NAB1: variants seen among roughly 807,000 people sequenced by gnomAD.
NAB1 encodes NGFI-A binding protein 1, also known as NGFI-A-binding protein 1.
NAB1 carries 25 observed loss-of-function variants against 49.9 expected under a neutral mutation model. The observed-to-expected ratio is 0.50, with a 90% CI of 0.37 to 0.70. NAB1 has a LOEUF of 0.70. NAB1 is among the 30% of genes least tolerant of loss of function. The pLI is 0.00. For missense variants in NAB1, 489 were observed against 575.9 expected (o/e 0.85, Z 1.54); for synonymous variants, 198 against 215.6 (o/e 0.92, Z 0.71).
At chr2:190,668,926 G>A (rs1012458217) in intron 4 of NAB1, among the ~76,000 whole-genome samples, 8 of 152,208 alleles carry the variant, frequency 5.3e-5, no homozygotes, top group Non-Finnish European at 1.2e-4. Context: ...GGCACAGCAA[G>A]AGATTAACAA....
In NAB1 at chr2:190,679,094, G is replaced by A. The variant is rs183848059; in HGVS notation, c.1006-4644G>A. 1.1e-4 allele frequency among the ~76,000 whole-genome samples: 16 copies of A among 152,328 alleles called. No individual in the cohort carries two copies. The East Asian group carries it at 2.3e-3, about 22-fold the overall frequency. Reference sequence around the variant, plus strand: ...GGAAACACTGTGATTAATGGCATCAGCCAAAAATATGACATGGAGATAGAT... The same window carrying A: ...GGAAACACTGTGATTAATGGCATCAACCAAAAATATGACATGGAGATAGAT... On this transcript the variant is annotated intron_variant, in intron 6 of 9. Coordinates refer to ENST00000337386, the MANE Select transcript of NAB1 (RefSeq NM_005966.4). The surrounding 1 kb of genome is among the most constrained non-coding windows in gnomAD (Gnocchi z 5.3).
At chr2:190,660,967 G>GCA (rs1293522731) in intron 4 of NAB1, among the ~76,000 whole-genome samples, 3 of 150,876 alleles carry the variant, frequency 2.0e-5, no homozygotes, top group Non-Finnish European at 3.0e-5. Context: ...TTTGAGATGG[G>GCA]GGTCTCACTC....
At position 190,687,184 on chromosome 2, in the gene NAB1, T is replaced by C. The variant is rs751642306; in HGVS notation, c.1259-17T>C. 1 of 1,505,272 alleles carries C rather than the reference T, an allele frequency of 6.6e-7. No homozygotes were observed. Among genetic ancestry groups the C allele is most frequent in the Admixed American group, 2.4e-5 (1 of 42,544 alleles). 93.2% of individuals were successfully genotyped at this position (1,505,272 alleles called of 1,614,324 possible). On this transcript the variant is annotated splice_polypyrimidine_tract_variant and intron_variant, in intron 8 of 9. Transcript: ENST00000337386. ...ATGTTTTTAATATTATGCATATTTC[T>C]TTTTTCTTTTCATTAGGAGAAAGAC... is the stretch of plus-strand genomic sequence containing the variant.
intron 3 of NAB1, 85 bp downstream of exon 3, chr2:190,656,238 T>G (rs1036354203): frequency 1.3e-5 from 2 of 152,244 alleles, no homozygotes; most frequent in African/African-American, 2.4e-5. Flanking sequence ...TATATTTACT[T>G]CAGATTGGAG....
In NAB1 at chr2:190,655,964, A is replaced by C. The variant is rs1220485426; in HGVS notation, c.-196-13A>C. 1.3e-5 allele frequency: 2 copies of C among 152,208 alleles called. No homozygotes were observed. Among genetic ancestry groups the C allele is most frequent in the Non-Finnish European group, 2.9e-5 (2 of 68,028 alleles). 9.4% of individuals were successfully genotyped at this position (152,208 alleles called of 1,614,324 possible). A position where few individuals can be genotyped will look rare whatever the true frequency, so the allele number is the denominator to read the frequency against. ...TTCCTCTTCCCCTAACATCATTGGG[A>C]TTCTTTTTATAGGACTGAGCAGGGG... On this transcript the variant is annotated splice_polypyrimidine_tract_variant and intron_variant, in intron 2 of 9. Transcript: ENST00000337386.
intron 4 of NAB1, among the ~76,000 whole-genome samples, chr2:190,660,907 G>A (rs1019311514): frequency 1.3e-5 from 2 of 151,574 alleles, no homozygotes; most frequent in Admixed American, 1.3e-4. Context: ...GAAAATAAAT[G>A]CGTTTTCAAA....
intron 4 of NAB1, among the ~76,000 whole-genome samples, chr2:190,668,899 G>A (rs1694660923): frequency 6.6e-6 from 1 of 152,110 alleles, no homozygotes; most frequent in Non-Finnish European, 1.5e-5. Context: ...CTATGATAAA[G>A]TTTAACTTAT....
Position 190,670,214 on chromosome 2 carries a change from A to T in NAB1, c.820-112A>T. On this transcript the variant is annotated intron_variant, in intron 4 of 9. Coordinates refer to ENST00000337386, the MANE Select transcript of NAB1 (RefSeq NM_005966.4). The surrounding 1 kb of genome is among the most constrained non-coding windows in gnomAD (Gnocchi z 5.3). Reference sequence around the variant, plus strand: ...ATAAATACCATTCTGATTTTTATGAATAATGATTCCATTATATAATGGTGT... The same window carrying T: ...ATAAATACCATTCTGATTTTTATGATTAATGATTCCATTATATAATGGTGT... 8.7e-6 allele frequency: 9 copies of T among 1,035,836 alleles called. No homozygotes were observed. In the South Asian group the frequency reaches 1.8e-4, roughly 20 times the overall value. 64.2% of individuals were successfully genotyped at this position (1,035,836 alleles called of 1,614,324 possible). A position where few individuals can be genotyped will look rare whatever the true frequency, so the allele number is the denominator to read the frequency against.
In NAB1 at chr2:190,679,575, G is replaced by A. The variant is rs1695231109; in HGVS notation, c.1006-4163G>A. 1.3e-5 allele frequency among the ~76,000 whole-genome samples: 2 copies of A among 152,122 alleles called. No homozygotes were observed. The highest frequency in any genetic ancestry group is 2.1e-4 in the South Asian group (1 of 4,832). On this transcript the variant is annotated intron_variant, in intron 6 of 9. Transcript: ENST00000337386. The surrounding 1 kb of genome is among the most constrained non-coding windows in gnomAD (Gnocchi z 5.3). The stretch of plus-strand genomic sequence containing the variant: ...TGCCACCAGGTATTTGTATGGCAAT[G>A]TGTACTTTTCCAAGGTTCACTTATT...
intron 7 of NAB1, 77 bp downstream of exon 7, chr2:190,683,904 A>G (rs1695479746): frequency 8.8e-7 from 1 of 1,137,484 alleles, no homozygotes; most frequent in South Asian, 1.4e-5. Context: ...AACTAGCTTC[A>G]GTTTTAAGTA....
rs1695399179 is a variant in NAB1 at position 190,682,506 on chromosome 2, G to A, written c.1006-1232G>A. On this transcript the variant is annotated intron_variant, in intron 6 of 9. Coordinates refer to ENST00000337386, the MANE Select transcript of NAB1 (RefSeq NM_005966.4). The surrounding 1 kb of genome is among the most constrained non-coding windows in gnomAD (Gnocchi z 4.1). ...CAATTCAGGTTGGGATTATCGGTTA[G>A]CACTTTAAAGAACATTTAGTTTGGA... Among the ~76,000 whole-genome samples, 1 of 152,156 alleles carries A rather than the reference G, an allele frequency of 6.6e-6. No individual in the cohort carries two copies. Among genetic ancestry groups the A allele is most frequent in the Non-Finnish European group, 1.5e-5 (1 of 68,024 alleles).
rs1694739762 is a variant in NAB1 at position 190,670,342 on chromosome 2, C to T, written c.836C>T (p.Ala279Val). ...LTLHELTVNE[A>V]AAQLCVKDNA... ...GATATCCAGCTCACTGTTAATGAAG[C>T]GGCTGCTCAACTCTGTGTGAAGGAT... The change falls in exon 5 of 10, where the codon GCG becomes GTG. Residue 279 changes from alanine (A) to valine (V), a missense_variant. Coordinates refer to ENST00000337386, the MANE Select transcript of NAB1 (RefSeq NM_005966.4). The surrounding 1 kb of genome is among the most constrained non-coding windows in gnomAD (Gnocchi z 5.3). 1.2e-5 allele frequency: 20 copies of T among 1,611,052 alleles called. No homozygotes were observed. The highest frequency in any genetic ancestry group is 1.7e-5 in the Non-Finnish European group (20 of 1,179,038).
chr2:190,687,488 A>G (rs1376395379), intron 9 of NAB1, among the ~76,000 whole-genome samples, 171 bp downstream of exon 9: 1 of 152,052 alleles, frequency 6.6e-6, no homozygotes, highest in African/African-American at 2.4e-5. Flanking sequence ...TTCAGGATCC[A>G]AAATGTTTTG....
rs1036302819 is a variant in NAB1, at chr2:190,675,987, C to T, written c.1005+2835C>T. ...AAATTTGAGATACCAGAACTATTTC[C>T]GGAAGCTGTTATGAGGTAGATAGTA... On this transcript the variant is annotated intron_variant, in intron 6 of 9. Transcript: ENST00000337386. This position sits in a 1 kb window ranked among gnomAD's most constrained non-coding sequence, Gnocchi z 5.2. Among the ~76,000 whole-genome samples the T allele has an allele frequency of 2.6e-5, 4 of 152,120 alleles. No individual in the cohort carries two copies. The highest frequency in any genetic ancestry group is 7.2e-5 in the African/African-American group (3 of 41,410).
chr2:190,687,241 C>T lies in NAB1; in HGVS notation c.1299C>T (p.Asn433=), dbSNP rs1473477253. The T allele has an allele frequency of 6.3e-7, 1 of 1,595,048 alleles. No individual in the cohort carries two copies. Among genetic ancestry groups the T allele is most frequent in the African/African-American group, 1.4e-5 (1 of 73,230 alleles). The change falls in exon 9 of 10, where the codon AAC becomes AAT. Residue 433 remains asparagine (N), a synonymous_variant. Transcript: ENST00000337386. ...PLNLRMPNLQ[N]RQPHHFVVDG... ...ATCTCCGAATGCCTAATTTACAGAA[C>T]AGACAACCCCATCATTTTGTGGTGG...
At position 190,652,108 on chromosome 2, in the gene NAB1, C is replaced by T. The variant is rs1404658979; in HGVS notation, c.-197+2126C>T. Among the ~76,000 whole-genome samples, 1 of 152,156 alleles carries T rather than the reference C, an allele frequency of 6.6e-6. No homozygotes were observed. Among genetic ancestry groups the T allele is most frequent in the East Asian group, 1.9e-4 (1 of 5,198 alleles). On this transcript the variant is annotated intron_variant, in intron 2 of 9. Transcript: ENST00000337386. The surrounding 1 kb of genome is among the most constrained non-coding windows in gnomAD (Gnocchi z 4.2). ...ATACTCCTTAAACTTAATAATGGAG[C>T]AAGTGGGAAATTTGACAAGTTGATG...
At position 190,651,033 on chromosome 2, in the gene NAB1, C is replaced by T. The variant is rs1398757419; in HGVS notation, c.-197+1051C>T. On this transcript the variant is annotated intron_variant, in intron 2 of 9. Transcript: ENST00000337386. This position sits in a 1 kb window ranked among gnomAD's most constrained non-coding sequence, Gnocchi z 4.3. ...TTTCGAGATTAAAAATGTTTTTTTC[C>T]CGACTCTGATGGTCTCTTGTTACTT... Among the ~76,000 whole-genome samples, 1 of 151,986 alleles carries T rather than the reference C, an allele frequency of 6.6e-6. No homozygotes were observed. The highest frequency in any genetic ancestry group is 1.5e-5 in the Non-Finnish European group (1 of 67,976).
rs1177641690 is a variant in NAB1 at position 190,651,659 on chromosome 2, AT to A, written c.-197+1679del. On this transcript the variant is annotated intron_variant, in intron 2 of 9. Coordinates refer to ENST00000337386, the MANE Select transcript of NAB1 (RefSeq NM_005966.4). This position sits in a 1 kb window ranked among gnomAD's most constrained non-coding sequence, Gnocchi z 4.3. ...AGCCTCCGAAGTTATGTCAGGTTTC[AT>A]TGGCCTAAGACTTAGGACTCATTTA... Among the ~76,000 whole-genome samples the A allele has an allele frequency of 6.6e-6, 1 of 152,156 alleles. No homozygotes were observed. Among genetic ancestry groups the A allele is most frequent in the Non-Finnish European group, 1.5e-5 (1 of 68,022 alleles).
At chr2:190,673,212 G>T (rs1223952891) in intron 6 of NAB1, 60 bp downstream of exon 6, 2 of 1,534,932 alleles carry the variant, frequency 1.3e-6, no homozygotes, top group Non-Finnish European at 1.8e-6. Flanking sequence ...TTAAGATCAA[G>T]CAAAATCTTA....
Sources: allele counts gnomAD v4.1 joint callset (sites outside exome capture counted in the v4.1 genomes callset), GRCh38; gene constraint gnomAD v4.1.1; non-coding constraint Gnocchi (gnomAD v3.1); transcripts MANE v1.5; gene names NCBI Gene and HGNC (gene_info 2026-07-23, HGNC 2026-07-21).